The following PDE1C variants were observed in gnomAD, a reference collection of about 807,000 sequenced individuals.
The protein encoded by PDE1C is phosphodiesterase 1C, also known as dual specificity calcium/calmodulin-dependent 3',5'-cyclic nucleotide phosphodiesterase 1C.
PDE1C carries 62 observed loss-of-function variants against 93.1 expected under a neutral mutation model. The observed-to-expected ratio is 0.67, with a 90% CI of 0.54 to 0.82. The LOEUF (loss-of-function observed/expected upper bound fraction) is 0.82. Among genes scored for constraint, PDE1C ranks in the 40% least tolerant of loss-of-function variants. PDE1C has a pLI of 0.00. For synonymous variants in PDE1C, 325 were observed against 310.1 expected, an observed-to-expected ratio of 1.05 and a Z score of -0.50; for missense variants, 742 against 884.6, an observed-to-expected ratio of 0.84 and a Z score of 2.04.
At chr7:32,148,759 T>C (rs1184653286) in intron 3 of PDE1C, among the ~76,000 whole-genome samples, 3 of 152,158 alleles carry the variant, frequency 2.0e-5, no homozygotes, top group Non-Finnish European at 2.9e-5. Context: ...GCTTTGCACA[T>C]AGTTATTACT....
chr7:32,151,442 T>C (rs1254495432), intron 3 of PDE1C, among the ~76,000 whole-genome samples: 1 of 152,220 alleles, frequency 6.6e-6, no homozygotes, highest in Non-Finnish European at 1.5e-5. Context: ...TTTGGAAATT[T>C]GAAATTCGAA....
At chr7:31,620,102 G>T in the PDE1C span, among the ~76,000 whole-genome samples, 3 of 152,150 alleles carry the variant, frequency 2.0e-5, no homozygotes, top group Admixed American at 6.5e-5. Context: ...CAAAGCAGCC[G>T]GGAAGCTCCA....
At chr7:32,057,969 C>T (rs1794332519) in intron 1 of PDE1C, among the ~76,000 whole-genome samples, 1 of 152,174 alleles carries the variant, frequency 6.6e-6, no homozygotes, top group African/African-American at 2.4e-5. Flanking sequence ...TATCTTTGAA[C>T]AACAGCCATA....
At chr7:31,983,276 TAA>T (rs2129062175) in intron 2 of PDE1C, among the ~76,000 whole-genome samples, 1 of 152,246 alleles carries the variant, frequency 6.6e-6, no homozygotes, top group Admixed American at 6.5e-5. Context: ...TCAAATTTCC[TAA>T]GACAATGAAT....
At chr7:31,966,493 C>G (rs1010936309) in intron 2 of PDE1C, among the ~76,000 whole-genome samples, 4 of 151,584 alleles carry the variant, frequency 2.6e-5, no homozygotes, top group African/African-American at 9.8e-5. Flanking sequence ...GACTTAGACT[C>G]CCACACAATA....
intron 2 of PDE1C, among the ~76,000 whole-genome samples, chr7:32,204,980 A>G (rs1450260192): frequency 6.6e-6 from 1 of 152,262 alleles, no homozygotes; most frequent in East Asian, 1.9e-4. Flanking sequence ...AAAGTCTTCA[A>G]TAAGTATATA....
At position 31,850,726 on chromosome 7, in the gene PDE1C, G is replaced by T. The variant is rs774389063; in HGVS notation, c.766C>A (p.Leu256Met). ...KTGVANWLTE[L>M]EIFAIIFSAA... ...GAGAAGATTATAGCAAAGATCTCCA[G>T]CTCCGTCAGCCAGTTCTGAAAGGAG... The change falls in exon 8 of 18, where the codon CTG becomes ATG. Residue 256 changes from leucine to methionine, a missense_variant. Transcript: ENST00000396191. 2 of 1,612,000 alleles carry T rather than the reference G, an allele frequency of 1.2e-6. No homozygotes were observed. Among genetic ancestry groups the T allele is most frequent in the East Asian group, 4.5e-5 (2 of 44,820 alleles).
intron 3 of PDE1C, among the ~76,000 whole-genome samples, chr7:32,123,217 T>C (rs1799394671): frequency 6.6e-6 from 1 of 152,148 alleles, no homozygotes; most frequent in Non-Finnish European, 1.5e-5. Context: ...GAGGGAGTCA[T>C]TAATAGCCCA....
chr7:31,865,001 T>A lies in PDE1C; in HGVS notation c.691A>T (p.Met231Leu), dbSNP rs1201761925. Residue 231 changes from methionine (M) to leucine (L), a missense_variant, in exon 7 of 18, where the codon ATG becomes TTG. Coordinates refer to ENST00000396191, the MANE Select transcript of PDE1C (RefSeq NM_001191057.4). ...SKHKNPYHNL[M>L]HAADVTQTVH... ...GTCTGTGTAACATCGGCAGCGTGCA[T>A]TAAGTTATGGTAAGGATTTTTGTGC... 4 of 1,614,008 alleles carry A rather than the reference T, an allele frequency of 2.5e-6. No individual in the cohort carries two copies. Among genetic ancestry groups the A allele is most frequent in the Admixed American group, 1.7e-5 (1 of 60,010 alleles).
chr7:32,132,939 G>C (rs938848884), intron 3 of PDE1C, among the ~76,000 whole-genome samples: 1 of 152,090 alleles, frequency 6.6e-6, no homozygotes, highest in African/African-American at 2.4e-5. Flanking sequence ...TTTTTTATTT[G>C]AAAAGTGAAG....
At position 32,011,928 on chromosome 7, in the gene PDE1C, G is replaced by A. The variant is rs117362405; in HGVS notation, c.128+39626C>T. 1.1e-4 allele frequency among the ~76,000 whole-genome samples: 16 copies of A among 152,140 alleles called. No homozygotes were observed. The East Asian group carries it at 3.1e-3, about 29-fold the overall frequency. On this transcript the variant is annotated intron_variant, in intron 2 of 17. Transcript: ENST00000396191. ...GCCCCAAACTGAAAACAACCCAAAT[G>A]CCAGCCAACAGTGAATAAATTAGAA... is the stretch of plus-strand genomic sequence containing the variant.
chr7:32,241,648 A>T (rs1048069111), intron 1 of PDE1C, among the ~76,000 whole-genome samples: 2 of 152,230 alleles, frequency 1.3e-5, no homozygotes, highest in South Asian at 4.1e-4. Flanking sequence ...TTTCTTTTTA[A>T]AAATGGAGGC....
chr7:31,833,239 C>T (rs1234781900), intron 11 of PDE1C, among the ~76,000 whole-genome samples: 1 of 152,206 alleles, frequency 6.6e-6, no homozygotes, highest in Non-Finnish European at 1.5e-5. Context: ...AGTTGTGAGG[C>T]TTCCTCAGCC....
chr7:32,046,922 T>G (rs1263476231), intron 2 of PDE1C, among the ~76,000 whole-genome samples: 1 of 152,288 alleles, frequency 6.6e-6, no homozygotes, highest in East Asian at 1.9e-4. Context: ...AGTATTTCCA[T>G]AATCCAGACA....
downstream of PDE1C, among the ~76,000 whole-genome samples, chr7:31,746,800 G>A (rs76768566): frequency 7.1e-3 from 1,078 of 152,170 alleles, 10 homozygotes; most frequent in African/African-American, 0.024. Flanking sequence ...GGACTATGCT[G>A]TCGACATGTC....
chr7:32,280,849 G>GA, intron 1 of PDE1C, among the ~76,000 whole-genome samples: 2 of 152,216 alleles, frequency 1.3e-5, no homozygotes, highest in South Asian at 2.1e-4. Context: ...TCAGAGTGTG[G>GA]TGGTACACAC....
At chr7:31,981,805 A>G (rs539259823) in intron 2 of PDE1C, among the ~76,000 whole-genome samples, 1 of 152,364 alleles carries the variant, frequency 6.6e-6, no homozygotes, top group African/African-American at 2.4e-5. Flanking sequence ...ATCTTTGAAT[A>G]TTATCAAAGC....
intron 3 of PDE1C, among the ~76,000 whole-genome samples, chr7:32,084,000 A>G (rs1271474817): frequency 6.6e-6 from 1 of 151,320 alleles, no homozygotes; most frequent in Non-Finnish European, 1.5e-5. Flanking sequence ...CACACATAAC[A>G]ATATTAACTT....
At chr7:32,402,003 TA>T (rs1024864978) in intron 1 of PDE1C, among the ~76,000 whole-genome samples, 1 of 152,222 alleles carries the variant, frequency 6.6e-6, no homozygotes, top group African/African-American at 2.4e-5. Flanking sequence ...AGAAGTCTGC[TA>T]AACACTTTTA....
Sources: gnomAD v4.1 joint callset for allele counts (sites outside exome capture counted in the v4.1 genomes callset) on GRCh38, gnomAD v4.1.1 for gene constraint, MANE v1.5 for transcripts, NCBI Gene and HGNC (gene_info 2026-07-23, HGNC 2026-07-21) for gene names.